The following PCSK6 variants were observed in gnomAD, a reference collection of about 807,000 sequenced individuals.
PCSK6 encodes paired basic amino acid cleaving enzyme 4.
A neutral mutation model predicts 123.3 loss-of-function variants in PCSK6; 85 were observed. That is an observed-to-expected ratio of 0.69 (90% confidence interval 0.58 to 0.83). The LOEUF is 0.83. Among genes scored for constraint, PCSK6 ranks in the 40% least tolerant of loss-of-function variants. The pLI, the probability that PCSK6 is intolerant of heterozygous loss-of-function variation, is 0.00. For synonymous variants in PCSK6, 508 were observed against 516.0 expected (o/e 0.98, Z 0.21); for missense variants, 1,191 against 1,282.3 (o/e 0.93, Z 1.09).
chr15:101,314,939 C>A (rs940228735), intron 19 of PCSK6, among the ~76,000 whole-genome samples: 2 of 152,156 alleles, frequency 1.3e-5, no homozygotes, highest in Non-Finnish European at 2.9e-5. Flanking sequence ...CTGGGAGCAT[C>A]TGGTGGGTGG....
At chr15:101,330,449 T>C (rs966006365) in intron 15 of PCSK6, among the ~76,000 whole-genome samples, 2 of 152,228 alleles carry the variant, frequency 1.3e-5, no homozygotes, top group Non-Finnish European at 2.9e-5. Flanking sequence ...TGACCTTGCA[T>C]TGGACTCTAA....
intron 13 of PCSK6, among the ~76,000 whole-genome samples, chr15:101,333,301 T>C (rs1169765487): frequency 6.6e-6 from 1 of 152,214 alleles, no homozygotes; most frequent in Non-Finnish European, 1.5e-5. Context: ...CGCCCCAGCC[T>C]TTCAATGTTT....
At chr15:101,335,713 G>T (rs531961686) in intron 13 of PCSK6, among the ~76,000 whole-genome samples, 2 of 152,194 alleles carry the variant, frequency 1.3e-5, no homozygotes, top group Non-Finnish European at 2.9e-5. Flanking sequence ...ACTCATGGAC[G>T]TTTAGGTTGT....
chr15:101,342,661 G>A (rs1397386735), intron 13 of PCSK6, among the ~76,000 whole-genome samples: 1 of 152,192 alleles, frequency 6.6e-6, no homozygotes, highest in African/African-American at 2.4e-5. Flanking sequence ...CAGCACTTTG[G>A]GAGGCTGAGG....
Position 101,398,315 on chromosome 15 carries a change from G to T in PCSK6, c.996+89C>A. 7.0e-7 allele frequency: 1 copy of T among 1,437,740 alleles called. No individual in the cohort carries two copies. Among genetic ancestry groups the T allele is most frequent in the Non-Finnish European group, 9.5e-7 (1 of 1,056,488 alleles). The allele number at this position is 1,437,740 out of a possible 1,614,324, so 89.1% of individuals were successfully genotyped here. A position where few individuals can be genotyped will look rare whatever the true frequency, so the allele number is the denominator to read the frequency against. On this transcript the variant is annotated intron_variant, in intron 7 of 21. Coordinates refer to ENST00000611716, the MANE Select transcript of PCSK6 (RefSeq NM_002570.5). This position sits in a 1 kb window ranked among gnomAD's most constrained non-coding sequence, Gnocchi z 4.6. The stretch of plus-strand genomic sequence containing the variant: ...AGAGTCTTCCCTGTCTTGTTTCAGG[G>T]CTGTGGCCAGTGTCACTCTGATACT...
chr15:101,383,979 C>T (rs2041983357), intron 10 of PCSK6: 2 of 394,032 alleles, frequency 5.1e-6, no homozygotes, highest in South Asian at 2.1e-4. Flanking sequence ...AAGCAATCCT[C>T]CTGCCTCAAC....
In PCSK6 at chr15:101,305,249, T is replaced by C; in HGVS notation, c.*9A>G. ...GGAGTGCCTGCCCTCTGTGGGCAGC[T>C]AGGCACCCTTACCCGGCCAGGAGGC... On this transcript the variant is annotated 3_prime_UTR_variant, in exon 22 of 22. Coordinates refer to ENST00000611716, the MANE Select transcript of PCSK6 (RefSeq NM_002570.5). This position sits in a 1 kb window ranked among gnomAD's most constrained non-coding sequence, Gnocchi z 4.8. The C allele has an allele frequency of 1.2e-6, 2 of 1,605,424 alleles. No homozygotes were observed. The highest frequency in any genetic ancestry group is 1.7e-6 in the Non-Finnish European group (2 of 1,176,372).
intron 9 of PCSK6, among the ~76,000 whole-genome samples, chr15:101,385,247 G>C (rs1301559883): frequency 1.3e-5 from 2 of 152,156 alleles, no homozygotes; most frequent in Non-Finnish European, 2.9e-5. Flanking sequence ...TGAATTCCTG[G>C]GTTCAAGCAA....
At chr15:101,306,973 G>A (rs1292195917) in intron 21 of PCSK6, among the ~76,000 whole-genome samples, 1 of 152,220 alleles carries the variant, frequency 6.6e-6, no homozygotes, top group African/African-American at 2.4e-5. Context: ...TCAATAAACA[G>A]ATCAGCAGTG....
At chr15:101,443,939 T>C (rs927510262) in intron 1 of PCSK6, among the ~76,000 whole-genome samples, 1 of 152,248 alleles carries the variant, frequency 6.6e-6, no homozygotes, top group Non-Finnish European at 1.5e-5. Context: ...CATTTAAAGT[T>C]TGGACTATCA....
rs1464682713 is a variant in PCSK6 at position 101,489,610 on chromosome 15, T to G, written c.61A>C (p.Thr21Pro). 2.1e-6 allele frequency: 2 copies of G among 960,678 alleles called. No individual in the cohort carries two copies. Among genetic ancestry groups the G allele is most frequent in the Non-Finnish European group, 1.2e-6 (1 of 817,730 alleles). The allele number at this position is 960,678 out of a possible 1,614,324, so 59.5% of individuals were successfully genotyped here. The change falls in exon 1 of 22, where the codon ACC (threonine) becomes CCC (proline). Residue 21 changes from threonine to proline, a missense_variant. Physicochemically the swap from Thr to Pro is conservative, Grantham distance 38. This residue lies in a region of PCSK6 where 204 missense variants were observed against 166.4 expected (regional missense o/e 1.23). Coordinates refer to ENST00000611716, the MANE Select transcript of PCSK6 (RefSeq NM_002570.5). ...CCCCCCGCGCCCGCGGCGGTGTCGGTGGCGGCGGCGGCCCGGGGCGGCGGC... is the reference window on the plus strand; with the variant it reads ...CCCCCCGCGCCCGCGGCGGTGTCGGGGGCGGCGGCGGCCCGGGGCGGCGGC... ...PRPPPRAAAA[T>P]DTAAGAGGAG...
intron 6 of PCSK6, among the ~76,000 whole-genome samples, chr15:101,422,193 G>C (rs1333993954): frequency 6.6e-6 from 1 of 152,216 alleles, no homozygotes; most frequent in Non-Finnish European, 1.5e-5. Flanking sequence ...TCAGGGGATA[G>C]AGTTGGGACT....
rs116901040 is a variant in PCSK6, at chr15:101,332,421, C to T, written c.1859-390G>A. 9.9e-5 allele frequency among the ~76,000 whole-genome samples: 15 copies of T among 152,284 alleles called. No homozygotes were observed. The East Asian group carries it at 1.5e-3, about 16-fold the overall frequency. On this transcript the variant is annotated intron_variant, in intron 13 of 21. Coordinates refer to ENST00000611716, the MANE Select transcript of PCSK6 (RefSeq NM_002570.5). ...AGCCACCTTCCCGTCTTGGGATATC[C>T]GGTGGGTAAATCTGGTGCCAGGCCT... is the stretch of plus-strand genomic sequence containing the variant.
At position 101,324,707 on chromosome 15, in the gene PCSK6, CTCCT is replaced by C; in HGVS notation, c.2377+139_2377+142del. 4.5e-6 allele frequency: 3 copies of C among 670,368 alleles called. No homozygotes were observed. In the South Asian group the frequency reaches 5.8e-5, roughly 13 times the overall value. 41.5% of individuals were successfully genotyped at this position (670,368 alleles called of 1,614,324 possible). A position where few individuals can be genotyped will look rare whatever the true frequency, so the allele number is the denominator to read the frequency against. ...GGTGCTTTGATTTCATCATCTCTGCCTCCTTCCCTGTTCAAAGTCCTTACTCAGA... is the reference window on the plus strand; with the variant it reads ...GGTGCTTTGATTTCATCATCTCTGCCTCCCTGTTCAAAGTCCTTACTCAGA... On this transcript the variant is annotated intron_variant, in intron 17 of 21. Coordinates refer to ENST00000611716, the MANE Select transcript of PCSK6 (RefSeq NM_002570.5).
intron 1 of PCSK6, among the ~76,000 whole-genome samples, chr15:101,451,037 C>T (rs375277671): frequency 8.8e-4 from 133 of 151,624 alleles, no homozygotes; most frequent in Non-Finnish European, 1.4e-3. Context: ...GGAACCCTCA[C>T]GAGGGGAAAG....
intron 13 of PCSK6, chr15:101,334,641 G>C (rs2040437996): frequency 6.6e-6 from 1 of 152,252 alleles, no homozygotes; most frequent in Non-Finnish European, 1.5e-5. Context: ...GATGATGGTA[G>C]GACAGGGACC....
At chr15:101,464,694 T>C (rs76818996) in intron 1 of PCSK6, among the ~76,000 whole-genome samples, 1 of 152,266 alleles carries the variant, frequency 6.6e-6, no homozygotes, top group East Asian at 1.9e-4. Context: ...AGGGATCTAC[T>C]GCGTGACACC....
At chr15:101,485,364 C>G (rs971678754) in intron 1 of PCSK6, among the ~76,000 whole-genome samples, 3 of 151,958 alleles carry the variant, frequency 2.0e-5, no homozygotes, top group Non-Finnish European at 4.4e-5. Context: ...ATTGTAAATA[C>G]TTTCCTGGTC....
At chr15:101,312,826 T>C (rs1421720057) in intron 20 of PCSK6, among the ~76,000 whole-genome samples, 2 of 150,466 alleles carry the variant, frequency 1.3e-5, no homozygotes, top group Non-Finnish European at 3.0e-5. Flanking sequence ...CGAGACTCCA[T>C]CTCAAAAAAA....
Sources: gnomAD v4.1 joint callset for allele counts (sites outside exome capture counted in the v4.1 genomes callset) on GRCh38, gnomAD v4.1.1 for gene constraint, gnomAD v4.1.1 regional missense constraint, Gnocchi (gnomAD v3.1) non-coding constraint, MANE v1.5 for transcripts, NCBI Gene and HGNC (gene_info 2026-07-23, HGNC 2026-07-21) for gene names.